Variants in INTU observed in about 807,000 individuals in gnomAD.
INTU encodes the protein inturned planar cell polarity protein, also known as protein inturned.
In INTU, 68 loss-of-function variants were observed where a neutral mutation model predicts 100.5. The observed-to-expected ratio is 0.68, with a 90% CI of 0.56 to 0.83. The LOEUF is 0.83. Among genes scored for constraint, INTU ranks in the 40% least tolerant of loss-of-function variants. The pLI is 0.00. For missense variants in INTU, 1,071 were observed against 1,114.7 expected (o/e 0.96, Z 0.56); for synonymous variants, 357 against 395.7 (o/e 0.90, Z 1.16).
At chr4:127,664,873 A>C (rs1248066352) in intron 4 of INTU, among the ~76,000 whole-genome samples, 1 of 151,958 alleles carries the variant, frequency 6.6e-6, no homozygotes, top group Non-Finnish European at 1.5e-5. Flanking sequence ...CATGTCTGCT[A>C]TCTTCTTTAA....
chr4:127,633,270 G>A (rs1560821730), intron 1 of INTU, 90 bp downstream of exon 1: 1 of 1,360,852 alleles, frequency 7.3e-7, no homozygotes, highest in Non-Finnish European at 1.0e-6. Flanking sequence ...GTGTTGGCGT[G>A]GTTGGAATCG....
rs190655524 is a variant in INTU, at chr4:127,716,780, A to G, written c.*344A>G. ...AAATGTTTATTCTTGAAAAATACTC[A>G]ATTTGTTGTTGTTTATTTTTCTCAA... On this transcript the variant is annotated 3_prime_UTR_variant, in exon 16 of 16. Coordinates refer to ENST00000335251, the MANE Select transcript of INTU (RefSeq NM_015693.4). 4.9e-3 allele frequency: 766 copies of G among 155,854 alleles called. 4 individuals are homozygous for G. The highest frequency in any genetic ancestry group is 0.026 in the Middle Eastern group (8 of 304). The allele number at this position is 155,854 out of a possible 1,614,324, so 9.7% of individuals were successfully genotyped here.
At position 127,708,560 on chromosome 4, in the gene INTU, A is replaced by G. The variant is rs1380674184; in HGVS notation, c.2272-11A>G. Reference sequence around the variant, plus strand: ...TAGATATAAACTGATCTACTTAACTATATTTTTCAGGTCACTAAAAAGAAG... The same window carrying G: ...TAGATATAAACTGATCTACTTAACTGTATTTTTCAGGTCACTAAAAAGAAG... On this transcript the variant is annotated splice_polypyrimidine_tract_variant and intron_variant, in intron 12 of 15. Transcript: ENST00000335251. The G allele has an allele frequency of 5.6e-6, 8 of 1,439,020 alleles. No individual in the cohort carries two copies. The highest frequency in any genetic ancestry group is 1.8e-5 in the Admixed American group (1 of 55,112). 89.1% of individuals were successfully genotyped at this position (1,439,020 alleles called of 1,614,324 possible).
chr4:127,653,142 A>G (rs1320960357), intron 2 of INTU, among the ~76,000 whole-genome samples: 2 of 147,602 alleles, frequency 1.4e-5, no homozygotes, highest in African/African-American at 5.0e-5. Context: ...CTAGTGGTCT[A>G]TCAATTTTGT....
chr4:127,635,317 C>T (rs1014742302), intron 1 of INTU, among the ~76,000 whole-genome samples: 5 of 151,864 alleles, frequency 3.3e-5, no homozygotes, highest in Admixed American at 6.6e-5. Context: ...GGGAGGCTTC[C>T]GAGATAATAC....
chr4:127,671,577 A>T (rs946997022), intron 5 of INTU, among the ~76,000 whole-genome samples: 9 of 152,118 alleles, frequency 5.9e-5, no homozygotes, highest in African/African-American at 1.9e-4. Flanking sequence ...AACTAAAAAT[A>T]GAACTACAAT....
At chr4:127,715,367 A>T (rs1731231714) in intron 15 of INTU, among the ~76,000 whole-genome samples, 1 of 152,172 alleles carries the variant, frequency 6.6e-6, no homozygotes, top group Non-Finnish European at 1.5e-5. Context: ...AAGCTGTATG[A>T]CAGACACTTT....
At chr4:127,685,443 A>G in intron 7 of INTU, 2 of 455,898 alleles carry the variant, frequency 4.4e-6, no homozygotes, top group South Asian at 1.6e-5. Flanking sequence ...TTCTTACAGT[A>G]TCATGAAGGA....
intron 3 of INTU, among the ~76,000 whole-genome samples, chr4:127,662,359 TA>T (rs1395209389): frequency 1.4e-4 from 21 of 152,286 alleles, no homozygotes; most frequent in Middle Eastern, 6.8e-3. Flanking sequence ...CCTATGCCAG[TA>T]TCCAAAGAGT....
At chr4:127,651,014 A>T (rs560512165) in intron 2 of INTU, among the ~76,000 whole-genome samples, 16 of 152,078 alleles carry the variant, frequency 1.1e-4, no homozygotes, top group South Asian at 2.1e-4. Context: ...CATAAATGTC[A>T]TCTTTTGAGA....
intron 1 of INTU, among the ~76,000 whole-genome samples, chr4:127,638,848 T>C (rs1727186742): frequency 6.6e-6 from 1 of 152,074 alleles, no homozygotes; most frequent in African/African-American, 2.4e-5. Context: ...TGAAAAACAT[T>C]TACACAATAA....
Position 127,643,889 on chromosome 4 carries a change from T to G in INTU, c.515T>G (p.Val172Gly). Residue 172 changes from valine to glycine, a missense_variant, in exon 2 of 16, where the codon GTT becomes GGT. Transcript: ENST00000335251. ...NVYVNPKKLT[V>G]IKAKEQLKLL... ...TATGTAAACCCCAAAAAGCTAACTGTTATCAAAGCCAAAGAGCAGCTCAAG... is the reference window on the plus strand; with the variant it reads ...TATGTAAACCCCAAAAAGCTAACTGGTATCAAAGCCAAAGAGCAGCTCAAG... 4 of 1,614,108 alleles carry G rather than the reference T, an allele frequency of 2.5e-6. No individual in the cohort carries two copies. Among genetic ancestry groups the G allele is most frequent in the Non-Finnish European group, 3.4e-6 (4 of 1,180,010 alleles).
intron 4 of INTU, among the ~76,000 whole-genome samples, chr4:127,664,942 G>A (rs1167066321): frequency 6.6e-6 from 1 of 151,480 alleles, no homozygotes; most frequent in Non-Finnish European, 1.5e-5. Flanking sequence ...TTCGTTGCTT[G>A]TATCATTATT....
At chr4:127,704,386 T>C (rs1407103850) in intron 10 of INTU, 96 bp downstream of exon 10, 1 of 924,084 alleles carries the variant, frequency 1.1e-6, no homozygotes, top group Non-Finnish European at 1.7e-6. Context: ...TTTATCTCTT[T>C]TCTTTCAAAT....
chr4:127,702,866 G>A (rs1357164062), intron 9 of INTU, among the ~76,000 whole-genome samples: 1 of 152,030 alleles, frequency 6.6e-6, no homozygotes, highest in Non-Finnish European at 1.5e-5. Context: ...TTTCCAGGAT[G>A]TAATATAAAG....
chr4:127,687,937 T>A (rs1038941626), intron 8 of INTU, 70 bp downstream of exon 8: 4 of 1,060,390 alleles, frequency 3.8e-6, no homozygotes, highest in Admixed American at 3.4e-5. Flanking sequence ...TTCTCTTTTT[T>A]TCGTAGACTT....
chr4:127,692,502 A>T (rs1368199562), intron 8 of INTU, among the ~76,000 whole-genome samples: 1 of 152,136 alleles, frequency 6.6e-6, no homozygotes, highest in Non-Finnish European at 1.5e-5. Flanking sequence ...CCTTTGTCAG[A>T]TGTATAGATT....
chr4:127,702,418 A>G (rs1308917409), intron 9 of INTU, among the ~76,000 whole-genome samples: 1 of 152,220 alleles, frequency 6.6e-6, no homozygotes, highest in Non-Finnish European at 1.5e-5. Flanking sequence ...TGTAATAGCC[A>G]AAAAGTGGAA....
In INTU at chr4:127,640,590, T is replaced by TATATAC. The variant is rs1727284276; in HGVS notation, c.147-2930_147-2929insTATACA. Among the ~76,000 whole-genome samples, 4 of 23,962 alleles carry TATATAC rather than the reference T, an allele frequency of 1.7e-4. No homozygotes were observed. In the Admixed American group the frequency reaches 2.0e-3, roughly 12 times the overall value. The allele number at this position is 23,962 out of a possible 152,430, so 15.7% of individuals were successfully genotyped here. ...ATATATATATATATATATATATATA[T>TATATAC]ACATATACATAAACACACATGTGTA... On this transcript the variant is annotated intron_variant, in intron 1 of 15. Transcript: ENST00000335251.
Sources: allele counts gnomAD v4.1 joint callset (sites outside exome capture counted in the v4.1 genomes callset), GRCh38; gene constraint gnomAD v4.1.1; transcripts MANE v1.5; gene names NCBI Gene and HGNC (gene_info 2026-07-23, HGNC 2026-07-21).